The following CHCHD6 variants were observed in gnomAD, a reference collection of about 807,000 sequenced individuals.
CHCHD6 encodes the protein MICOS complex subunit MIC25.
CHCHD6 carries 28 observed loss-of-function variants against 32.3 expected under a neutral mutation model. The observed-to-expected ratio is 0.87, with a 90% CI of 0.64 to 1.19. The LOEUF (loss-of-function observed/expected upper bound fraction) is 1.19. Ranked by LOEUF, CHCHD6 falls within the 50% of genes most tolerant of loss-of-function variation. The pLI is 0.00. For missense variants in CHCHD6, 333 were observed against 307.0 expected (o/e 1.08, Z -0.63); for synonymous variants, 122 against 117.5 (o/e 1.04, Z -0.25).
intron 4 of CHCHD6, among the ~76,000 whole-genome samples, chr3:126,784,330 C>T (rs1938096711): frequency 6.6e-6 from 1 of 152,172 alleles, no homozygotes. Flanking sequence ...TCAATGCATT[C>T]TGAAAACTTC....
chr3:126,768,884 G>A (rs1275384815), intron 4 of CHCHD6, among the ~76,000 whole-genome samples: 1 of 152,068 alleles, frequency 6.6e-6, no homozygotes, highest in South Asian at 2.1e-4. Flanking sequence ...TCTTAATGGG[G>A]TTATTTTTTT....
intron 6 of CHCHD6, among the ~76,000 whole-genome samples, chr3:126,928,409 C>T (rs1040455914): frequency 1.3e-5 from 2 of 152,030 alleles, no homozygotes; most frequent in Admixed American, 6.5e-5. Flanking sequence ...ATCACAGAGC[C>T]CTCTGTGTCT....
At chr3:126,835,510 GA>G (rs1940820206) in intron 4 of CHCHD6, among the ~76,000 whole-genome samples, 1 of 152,164 alleles carries the variant, frequency 6.6e-6, no homozygotes, top group Admixed American at 6.5e-5. Context: ...TCTGGGCATG[GA>G]AGACCACACA....
intron 5 of CHCHD6, among the ~76,000 whole-genome samples, chr3:126,879,456 T>C (rs370682025): frequency 6.6e-6 from 1 of 152,202 alleles, no homozygotes; most frequent in Non-Finnish European, 1.5e-5. Context: ...TTACCAAGAA[T>C]TTTTTACCTG....
chr3:126,870,174 A>G (rs2077445662), intron 5 of CHCHD6, among the ~76,000 whole-genome samples: 1 of 152,232 alleles, frequency 6.6e-6, no homozygotes, highest in Admixed American at 6.5e-5. Flanking sequence ...CTGAGATACT[A>G]TATGAACATG....
chr3:126,772,791 T>C (rs1937567307), intron 4 of CHCHD6, among the ~76,000 whole-genome samples: 1 of 152,176 alleles, frequency 6.6e-6, no homozygotes, highest in African/African-American at 2.4e-5. Flanking sequence ...AGCTGTTTAT[T>C]CAGATTTGTT....
chr3:126,733,278 T>C, intron 4 of CHCHD6, 56 bp downstream of exon 4: 1 of 1,550,486 alleles, frequency 6.4e-7, no homozygotes, highest in Non-Finnish European at 8.8e-7. Context: ...CCCTGGGAAA[T>C]AGGGGGCGGG....
chr3:126,808,320 A>C (rs1939506295), intron 4 of CHCHD6, among the ~76,000 whole-genome samples: 1 of 152,122 alleles, frequency 6.6e-6, no homozygotes, highest in Non-Finnish European at 1.5e-5. Flanking sequence ...ACATTCCATC[A>C]CTTTTGCCAT....
intron 4 of CHCHD6, among the ~76,000 whole-genome samples, chr3:126,762,106 T>G (rs1184370809): frequency 1.3e-5 from 2 of 152,218 alleles, no homozygotes; most frequent in Non-Finnish European, 1.5e-5. Flanking sequence ...ACTTTTGACT[T>G]CATTGATTAT....
At chr3:126,777,090 G>A (rs997488635) in intron 4 of CHCHD6, among the ~76,000 whole-genome samples, 3 of 152,042 alleles carry the variant, frequency 2.0e-5, no homozygotes, top group Non-Finnish European at 2.9e-5. Context: ...AGCCATTCTC[G>A]TCCCATGCTA....
intron 4 of CHCHD6, among the ~76,000 whole-genome samples, chr3:126,801,056 T>TA (rs1559851597): frequency 6.6e-6 from 1 of 152,152 alleles, no homozygotes; most frequent in Non-Finnish European, 1.5e-5. Flanking sequence ...TAAAAACCGA[T>TA]ATAAATGTGA....
intron 5 of CHCHD6, among the ~76,000 whole-genome samples, chr3:126,857,033 T>C (rs1157792326): frequency 6.6e-6 from 1 of 152,214 alleles, no homozygotes; most frequent in Non-Finnish European, 1.5e-5. Flanking sequence ...TTTCATGTTA[T>C]TTCTGTCCTC....
At position 126,899,968 on chromosome 3, in the gene CHCHD6, C is replaced by A. The variant is rs890906169; in HGVS notation, c.496-14712C>A. 2.6e-5 allele frequency among the ~76,000 whole-genome samples: 4 copies of A among 152,226 alleles called. No individual in the cohort carries two copies. The South Asian group carries it at 6.2e-4, about 24-fold the overall frequency. ...TTTGATTCTAGTTGTCTGTTACTTA[C>A]AACCAGCGTGTCCTGATTGTCACAG... is the stretch of plus-strand genomic sequence containing the variant. On this transcript the variant is annotated intron_variant, in intron 5 of 7. Transcript: ENST00000290913.
chr3:126,841,118 C>T (rs1417526762), intron 4 of CHCHD6, among the ~76,000 whole-genome samples: 1 of 148,952 alleles, frequency 6.7e-6, no homozygotes, highest in African/African-American at 2.5e-5. Context: ...TTGTTCAATT[C>T]CCACCTATGA....
At chr3:126,770,924 C>A (rs1193590189) in intron 4 of CHCHD6, among the ~76,000 whole-genome samples, 1 of 152,134 alleles carries the variant, frequency 6.6e-6, no homozygotes, top group East Asian at 1.9e-4. Flanking sequence ...CTTTATAAAT[C>A]TGGTAGAATT....
intron 5 of CHCHD6, among the ~76,000 whole-genome samples, chr3:126,875,694 C>T (rs2077531179): frequency 6.6e-6 from 1 of 152,184 alleles, no homozygotes; most frequent in Non-Finnish European, 1.5e-5. Context: ...CCTACAGTCC[C>T]AGGGTTTAGA....
At chr3:126,914,630 C>A in intron 5 of CHCHD6, 50 bp from the exon 6 acceptor site, 1 of 1,003,272 alleles carries the variant, frequency 1.0e-6, no homozygotes, top group Non-Finnish European at 1.6e-6. Flanking sequence ...CATTAGAGAG[C>A]AGAGGGAAAT....
chr3:126,910,341 C>T (rs1007426894), intron 5 of CHCHD6, among the ~76,000 whole-genome samples: 1 of 150,306 alleles, frequency 6.7e-6, no homozygotes, highest in African/African-American at 2.4e-5. Flanking sequence ...AAGCCTTCTT[C>T]ACCCTTATTG....
At chr3:126,921,750 G>A (rs964051937) in intron 6 of CHCHD6, among the ~76,000 whole-genome samples, 1 of 152,226 alleles carries the variant, frequency 6.6e-6, no homozygotes, top group Non-Finnish European at 1.5e-5. Context: ...CAGAGCTGCT[G>A]TAGTGCTTTC....
Sources: gnomAD v4.1 joint callset for allele counts (sites outside exome capture counted in the v4.1 genomes callset) on GRCh38, gnomAD v4.1.1 for gene constraint, MANE v1.5 for transcripts, NCBI Gene and HGNC (gene_info 2026-07-23, HGNC 2026-07-21) for gene names.